Variants in CLASP2 observed in about 807,000 individuals in gnomAD.
CLASP2 encodes CLIP-associating protein 2.
CLASP2 carries 47 observed loss-of-function variants against 194.4 expected under a neutral mutation model. The observed-to-expected ratio is 0.24, with a 90% CI of 0.19 to 0.31. The LOEUF (loss-of-function observed/expected upper bound fraction) is 0.31. Ranked by LOEUF, CLASP2 falls within the 10% of genes least tolerant of loss-of-function variation. The pLI is 1.00. For missense variants in CLASP2, 1,445 were observed against 1,823.6 expected (o/e 0.79, Z 3.78); for synonymous variants, 619 against 633.5 (o/e 0.98, Z 0.34).
intron 7 of CLASP2, chr3:33,659,525 G>C (rs1232269590): frequency 4.2e-6 from 2 of 473,176 alleles, no homozygotes; most frequent in African/African-American, 4.2e-5. Context: ...ATTTACAACA[G>C]AAGATTGCTA....
chr3:33,571,688 C>T (rs1173368293), intron 25 of CLASP2, among the ~76,000 whole-genome samples: 2 of 151,216 alleles, frequency 1.3e-5, no homozygotes, highest in East Asian at 3.9e-4. Context: ...TGGTGGTGCA[C>T]GCCTGTAGTA....
rs1212172284 is a variant in CLASP2 at position 33,559,720 on chromosome 3, C to A, written c.2931-335G>T. Among the ~76,000 whole-genome samples the A allele has an allele frequency of 3.3e-5, 5 of 152,148 alleles. No homozygotes were observed. The South Asian group carries it at 1.0e-3, about 32-fold the overall frequency. ...GACCAGCGTGACCAACATGGAGAAA[C>A]CCCGTCTCTATTAAAAATACAAAAT... On this transcript the variant is annotated intron_variant, in intron 28 of 38. Coordinates refer to ENST00000682230, the MANE Select transcript of CLASP2 (RefSeq NM_001365631.1).
intron 2 of CLASP2, among the ~76,000 whole-genome samples, chr3:33,691,898 A>C (rs1260376916): frequency 6.6e-6 from 1 of 152,218 alleles, no homozygotes; most frequent in Non-Finnish European, 1.5e-5. Context: ...GGCCAGGTGC[A>C]GTGGCTCTCA....
chr3:33,647,126 A>G (rs1221453341), intron 7 of CLASP2, among the ~76,000 whole-genome samples: 1 of 152,228 alleles, frequency 6.6e-6, no homozygotes, highest in Non-Finnish European at 1.5e-5. Context: ...TGGTACTACT[A>G]AAAGGTAAGC....
At chr3:33,653,681 C>A (rs978031400) in intron 7 of CLASP2, among the ~76,000 whole-genome samples, 2 of 152,084 alleles carry the variant, frequency 1.3e-5, no homozygotes, top group African/African-American at 2.4e-5. Context: ...CACATACACA[C>A]ACATCTTAGT....
At chr3:33,537,801 A>G (rs1370308788) in intron 33 of CLASP2, among the ~76,000 whole-genome samples, 1 of 152,148 alleles carries the variant, frequency 6.6e-6, no homozygotes, top group Non-Finnish European at 1.5e-5. Flanking sequence ...TACTATCACT[A>G]CACCTAACAG....
At chr3:33,580,001 C>T (rs1021114192) in intron 23 of CLASP2, among the ~76,000 whole-genome samples, 1 of 152,172 alleles carries the variant, frequency 6.6e-6, no homozygotes, top group Non-Finnish European at 1.5e-5. Flanking sequence ...AGACATTCTG[C>T]AGACTAACTC....
intron 24 of CLASP2, among the ~76,000 whole-genome samples, chr3:33,573,995 T>C (rs1361782664): frequency 6.6e-6 from 1 of 152,180 alleles, no homozygotes; most frequent in African/African-American, 2.4e-5. Flanking sequence ...ATCTATATTG[T>C]TTAATTCAAT....
At chr3:33,669,038 T>A (rs1450474713) in intron 6 of CLASP2, among the ~76,000 whole-genome samples, 1 of 152,212 alleles carries the variant, frequency 6.6e-6, no homozygotes, top group Non-Finnish European at 1.5e-5. Context: ...AAGAGTTTCC[T>A]CTAACAAGTA....
chr3:33,584,166 A>G (rs539872470), intron 22 of CLASP2, among the ~76,000 whole-genome samples: 1 of 152,264 alleles, frequency 6.6e-6, no homozygotes, highest in East Asian at 1.9e-4. Flanking sequence ...AACTGTGTAT[A>G]TATGTGTATA....
At chr3:33,698,858 G>A (rs1328027725) in intron 1 of CLASP2, among the ~76,000 whole-genome samples, 1 of 151,968 alleles carries the variant, frequency 6.6e-6, no homozygotes, top group Non-Finnish European at 1.5e-5. Flanking sequence ...AAGCAAGGAG[G>A]GATAAATACC....
At chr3:33,625,709 T>C (rs2077929913) in intron 10 of CLASP2, among the ~76,000 whole-genome samples, 1 of 152,098 alleles carries the variant, frequency 6.6e-6, no homozygotes, top group South Asian at 2.1e-4. Context: ...TTTCACTCTG[T>C]TGCCCAGGCT....
At chr3:33,514,717 G>C (rs979704839) in intron 36 of CLASP2, 12 of 339,258 alleles carry the variant, frequency 3.5e-5, no homozygotes, top group Non-Finnish European at 7.2e-5. Context: ...AAAGATACTT[G>C]CACACAGGTG....
intron 33 of CLASP2, among the ~76,000 whole-genome samples, chr3:33,538,238 T>C (rs532828824): frequency 1.3e-5 from 2 of 152,370 alleles, no homozygotes; most frequent in Admixed American, 6.5e-5. Context: ...TCCTCAACTA[T>C]ACAAAGCTTG....
At position 33,689,906 on chromosome 3, in the gene CLASP2, C is replaced by T; in HGVS notation, c.301G>A (p.Gly101Arg). 1.9e-6 allele frequency: 3 copies of T among 1,594,716 alleles called. No individual in the cohort carries two copies. The highest frequency in any genetic ancestry group is 2.3e-5 in the South Asian group (2 of 87,180). Residue 101 changes from glycine to arginine, a missense_variant, in exon 3 of 39, where the codon GGA becomes AGA. Coordinates refer to ENST00000682230, the MANE Select transcript of CLASP2 (RefSeq NM_001365631.1). ...MVIVALIDRM[G>R]DAKDKVRDEA... is the part of the protein sequence containing the mutation. ...TCTCGAACCTTGTCTTTGGCATCTC[C>T]CATTCTGTCTATTAAAGCTACAATA...
chr3:33,605,665 C>T (rs1052265874), intron 16 of CLASP2, among the ~76,000 whole-genome samples: 4 of 152,158 alleles, frequency 2.6e-5, no homozygotes, highest in African/African-American at 9.7e-5. Context: ...GTTTCCCAGG[C>T]TGGAGTGCAG....
intron 6 of CLASP2, among the ~76,000 whole-genome samples, chr3:33,672,504 G>A (rs1432855740): frequency 2.6e-5 from 4 of 152,210 alleles, no homozygotes; most frequent in African/African-American, 4.8e-5. Context: ...AAAAAACAGA[G>A]CAGAAGAACT....
chr3:33,607,533 A>G, intron 14 of CLASP2, 72 bp from the exon 15 acceptor site: 3 of 932,930 alleles, frequency 3.2e-6, no homozygotes, highest in Non-Finnish European at 4.7e-6. Flanking sequence ...CTTAAGGCCT[A>G]TATGTTACAT....
chr3:33,634,689 C>G (rs2079784551), intron 8 of CLASP2, among the ~76,000 whole-genome samples: 1 of 152,108 alleles, frequency 6.6e-6, no homozygotes, highest in African/African-American at 2.4e-5. Context: ...GTATTCTCAC[C>G]ACTAAAAACT....
Sources: gnomAD v4.1 joint callset for allele counts (sites outside exome capture counted in the v4.1 genomes callset) on GRCh38, gnomAD v4.1.1 for gene constraint, MANE v1.5 for transcripts, NCBI Gene and HGNC (gene_info 2026-07-23, HGNC 2026-07-21) for gene names.